TMEM54: variants seen among roughly 807,000 people sequenced by gnomAD.
TMEM54 encodes transmembrane protein 54, also known as beta-casein-like protein.
Under a neutral mutation model 21.3 loss-of-function variants are expected in TMEM54, and 21 were observed. The observed-to-expected ratio is 0.99, with a 90% CI of 0.70 to 1.42. The LOEUF (loss-of-function observed/expected upper bound fraction) is 1.42. Ranked by LOEUF, TMEM54 falls within the 40% of genes most tolerant of loss-of-function variation. The probability of loss-of-function intolerance (pLI) is 0.00; values close to 1 mark genes in which losing one functional copy is unlikely to be tolerated. For synonymous variants in TMEM54, 109 were observed against 125.0 expected (o/e 0.87, Z 0.86); for missense variants, 246 against 294.0 (o/e 0.84, Z 1.19).
chr1:32,901,260 C>T lies in TMEM54; in HGVS notation c.-22G>A, dbSNP rs762573071. The T allele has an allele frequency of 4.3e-6, 6 of 1,406,472 alleles. No individual in the cohort carries two copies. Among genetic ancestry groups the T allele is most frequent in the Non-Finnish European group, 5.6e-6 (6 of 1,067,450 alleles). The allele number at this position is 1,406,472 out of a possible 1,614,324, so 87.1% of individuals were successfully genotyped here. On this transcript the variant is annotated 5_prime_UTR_variant, in exon 1 of 6. Coordinates refer to ENST00000373463, the MANE Select transcript of TMEM54 (RefSeq NM_033504.4). The surrounding 1 kb of genome is among the most constrained non-coding windows in gnomAD (Gnocchi z 4.2). ...ACATGTCGGCTCCGCGCTGGTCCCG[C>T]CCCCGGCTTCAGCGCGGCTCCCGAG...
intron 1 of TMEM54, among the ~76,000 whole-genome samples, chr1:32,900,503 G>A (rs1206430708): frequency 6.6e-6 from 1 of 152,034 alleles, no homozygotes; most frequent in Non-Finnish European, 1.5e-5. Context: ...CCCAGATGAA[G>A]CCCAGCTGGC....
At position 32,897,351 on chromosome 1, in the gene TMEM54, C is replaced by A. The variant is rs530356906; in HGVS notation, c.210+775G>T. ...GGGATGGAACTCAGACACTGATGTGCGGGAGGATCTTCCCCCGAGGCTGTG... is the reference window on the plus strand; with the variant it reads ...GGGATGGAACTCAGACACTGATGTGAGGGAGGATCTTCCCCCGAGGCTGTG... On this transcript the variant is annotated intron_variant, in intron 2 of 5. Transcript: ENST00000373463. This position sits in a 1 kb window ranked among gnomAD's most constrained non-coding sequence, Gnocchi z 4.9. 2.6e-5 allele frequency among the ~76,000 whole-genome samples: 4 copies of A among 152,266 alleles called. No homozygotes were observed. The East Asian group carries it at 7.7e-4, about 29-fold the overall frequency.
chr1:32,901,164 C>T lies in TMEM54; in HGVS notation c.16+59G>A, dbSNP rs567817836. On this transcript the variant is annotated intron_variant, in intron 1 of 5. Coordinates refer to ENST00000373463, the MANE Select transcript of TMEM54 (RefSeq NM_033504.4). The surrounding 1 kb of genome is among the most constrained non-coding windows in gnomAD (Gnocchi z 4.2). ...GGGCTCGGGTTCCGGGCTCAGTGCT[C>T]CGCTCCTGTGGGAGGGTTGGGGTGG... 5 of 1,412,322 alleles carry T rather than the reference C, an allele frequency of 3.5e-6. No homozygotes were observed. The African/African-American group carries it at 4.4e-5, about 12-fold the overall frequency. The allele number at this position is 1,412,322 out of a possible 1,614,324, so 87.5% of individuals were successfully genotyped here.
Position 32,895,281 on chromosome 1 carries a change from G to A in TMEM54, c.594+24C>T. The stretch of plus-strand genomic sequence containing the variant: ...CAGGGGCTCCCAGGAAATTCGGGGA[G>A]TCAGGGCTGTGGAGGGAACTTACCA... On this transcript the variant is annotated intron_variant, in intron 5 of 5. Coordinates refer to ENST00000373463, the MANE Select transcript of TMEM54 (RefSeq NM_033504.4). This position sits in a 1 kb window ranked among gnomAD's most constrained non-coding sequence, Gnocchi z 5.8. The A allele has an allele frequency of 6.3e-7, 1 of 1,595,224 alleles. No homozygotes were observed. Among genetic ancestry groups the A allele is most frequent in the East Asian group, 2.2e-5 (1 of 44,472 alleles).
At chr1:32,899,968 G>A (rs1171327490) in intron 1 of TMEM54, among the ~76,000 whole-genome samples, 3 of 152,170 alleles carry the variant, frequency 2.0e-5, no homozygotes, top group South Asian at 2.1e-4. Context: ...GAGGGCAGAC[G>A]ATGGGCTGGA....
chr1:32,895,232 G>A lies in TMEM54; in HGVS notation c.594+73C>T. ...GGTGGGGGCCCATACATAGGGGTGG[G>A]GCAGAGCAGCTTGGGCACCCTGGCA... On this transcript the variant is annotated intron_variant, in intron 5 of 5. Transcript: ENST00000373463. This position sits in a 1 kb window ranked among gnomAD's most constrained non-coding sequence, Gnocchi z 5.8. 2 of 1,542,084 alleles carry A rather than the reference G, an allele frequency of 1.3e-6. No homozygotes were observed. The highest frequency in any genetic ancestry group is 1.3e-5 in the South Asian group (1 of 79,732).
In TMEM54 at chr1:32,901,003, C is replaced by T. The variant is rs1477288771; in HGVS notation, c.16+220G>A. 6.6e-6 allele frequency among the ~76,000 whole-genome samples: 1 copy of T among 152,248 alleles called. No homozygotes were observed. Among genetic ancestry groups the T allele is most frequent in the Non-Finnish European group, 1.5e-5 (1 of 68,036 alleles). On this transcript the variant is annotated intron_variant, in intron 1 of 5. Transcript: ENST00000373463. The surrounding 1 kb of genome is among the most constrained non-coding windows in gnomAD (Gnocchi z 4.2). Reference sequence around the variant, plus strand: ...GAGAGGGCGAGGGTAAGAGACGCTACAGCCACATCGAGAAGACACCCGCAG... The same window carrying T: ...GAGAGGGCGAGGGTAAGAGACGCTATAGCCACATCGAGAAGACACCCGCAG...
chr1:32,895,602 G>GTTCAGA lies in TMEM54; in HGVS notation c.406_411dup (p.Ser136_Glu137dup), dbSNP rs1376550691. The GTTCAGA allele has an allele frequency of 1.3e-5, 21 of 1,580,030 alleles. No individual in the cohort carries two copies. Among genetic ancestry groups the GTTCAGA allele is most frequent in the Non-Finnish European group, 1.4e-5 (16 of 1,162,830 alleles). On this transcript the variant is annotated inframe_insertion, in exon 4 of 6. Transcript: ENST00000373463. This position sits in a 1 kb window ranked among gnomAD's most constrained non-coding sequence, Gnocchi z 5.8. ...GGACAGTCAGGTGCGAGGGCCAGTAGTTCAGAGCTCCCAAAAGTGCAGGCA... is the reference window on the plus strand; with the variant it reads ...GGACAGTCAGGTGCGAGGGCCAGTAGTTCAGATTCAGAGCTCCCAAAAGTGCAGGCA...
At position 32,897,244 on chromosome 1, in the gene TMEM54, G is replaced by A. The variant is rs935268677; in HGVS notation, c.210+882C>T. ...GACTCCCATTCTCCCAAGCCTTGAG[G>A]CCAGCAGGCTGTCTGAGCTTTATTT... On this transcript the variant is annotated intron_variant, in intron 2 of 5. Coordinates refer to ENST00000373463, the MANE Select transcript of TMEM54 (RefSeq NM_033504.4). This position sits in a 1 kb window ranked among gnomAD's most constrained non-coding sequence, Gnocchi z 4.9. Among the ~76,000 whole-genome samples the A allele has an allele frequency of 3.9e-5, 6 of 152,166 alleles. No individual in the cohort carries two copies. Among genetic ancestry groups the A allele is most frequent in the African/African-American group, 1.2e-4 (5 of 41,430 alleles).
chr1:32,901,192 CG>C lies in TMEM54; in HGVS notation c.16+30del. 3 of 1,481,236 alleles carry C rather than the reference CG, an allele frequency of 2.0e-6. No homozygotes were observed. The highest frequency in any genetic ancestry group is 1.9e-5 in the Admixed American group (1 of 51,932). The allele number at this position is 1,481,236 out of a possible 1,614,324, so 91.8% of individuals were successfully genotyped here. A position where few individuals can be genotyped will look rare whatever the true frequency, so the allele number is the denominator to read the frequency against. ...CTCCTGTGGGAGGGTTGGGGTGGTT[CG>C]GGGCCTCCCGCGCGCCCCCAGTCGC... is the stretch of plus-strand genomic sequence containing the variant. On this transcript the variant is annotated intron_variant, in intron 1 of 5. Transcript: ENST00000373463. This position sits in a 1 kb window ranked among gnomAD's most constrained non-coding sequence, Gnocchi z 4.2.
At chr1:32,900,296 C>T (rs569241963) in intron 1 of TMEM54, among the ~76,000 whole-genome samples, 1 of 152,320 alleles carries the variant, frequency 6.6e-6, no homozygotes, top group East Asian at 1.9e-4. Context: ...CTGGAGTGCA[C>T]TGGCCTGATC....
At position 32,897,979 on chromosome 1, in the gene TMEM54, G is replaced by A; in HGVS notation, c.210+147C>T. On this transcript the variant is annotated intron_variant, in intron 2 of 5. Coordinates refer to ENST00000373463, the MANE Select transcript of TMEM54 (RefSeq NM_033504.4). This position sits in a 1 kb window ranked among gnomAD's most constrained non-coding sequence, Gnocchi z 4.9. ...CATTTGATAGATGAAGAAGTTGAGT[G>A]ACTTGGGCAGTTGGTAAGTGGCAGA... is the stretch of plus-strand genomic sequence containing the variant. 2.9e-6 allele frequency: 2 copies of A among 680,228 alleles called. No individual in the cohort carries two copies. The highest frequency in any genetic ancestry group is 2.1e-5 in the South Asian group (1 of 46,798). The allele number at this position is 680,228 out of a possible 1,614,324, so 42.1% of individuals were successfully genotyped here.
rs1455196340 is a variant in TMEM54, at chr1:32,896,691, C to T, written c.211-722G>A. Among the ~76,000 whole-genome samples the T allele has an allele frequency of 6.6e-6, 1 of 152,280 alleles. No homozygotes were observed. The highest frequency in any genetic ancestry group is 1.5e-5 in the Non-Finnish European group (1 of 68,044). On this transcript the variant is annotated intron_variant, in intron 2 of 5. Transcript: ENST00000373463. The surrounding 1 kb of genome is among the most constrained non-coding windows in gnomAD (Gnocchi z 4.1). ...AGCTGCCCTCTGGATCTTTGGGGTC[C>T]ACCCAGCCAGCCTTCCTCCTGATGT...
At chr1:32,898,584 A>G in intron 1 of TMEM54, 2 of 431,436 alleles carry the variant, frequency 4.6e-6, no homozygotes, top group South Asian at 5.9e-5. Context: ...GTTCAAGGTC[A>G]TGAGTGGGGG....
intron 1 of TMEM54, among the ~76,000 whole-genome samples, chr1:32,899,849 G>A (rs998765861): frequency 5.3e-5 from 8 of 152,186 alleles, no homozygotes; most frequent in South Asian, 2.1e-4. Flanking sequence ...CCTCCCCTCT[G>A]GGCCCCAAGT....
At chr1:32,900,941 C>T (rs965876084) in intron 1 of TMEM54, among the ~76,000 whole-genome samples, 1 of 152,222 alleles carries the variant, frequency 6.6e-6, no homozygotes, top group Non-Finnish European at 1.5e-5. Flanking sequence ...ACCCGGGGGT[C>T]CCCGAGGGCA....
At chr1:32,899,970 T>C (rs1641689335) in intron 1 of TMEM54, among the ~76,000 whole-genome samples, 1 of 152,152 alleles carries the variant, frequency 6.6e-6, no homozygotes, top group African/African-American at 2.4e-5. Flanking sequence ...GGGCAGACGA[T>C]GGGCTGGACA....
chr1:32,899,590 C>T (rs1490095222), intron 1 of TMEM54, among the ~76,000 whole-genome samples: 2 of 152,042 alleles, frequency 1.3e-5, no homozygotes, highest in Non-Finnish European at 1.5e-5. Context: ...GCCTCTAGTC[C>T]CAGTTATTCA....
In TMEM54 at chr1:32,898,745, G is replaced by A. The variant is rs114982485; in HGVS notation, c.17-426C>T. Among the ~76,000 whole-genome samples, 706 of 152,266 alleles carry A rather than the reference G, an allele frequency of 4.6e-3. 9 individuals carry two copies. The highest frequency in any genetic ancestry group is 0.016 in the African/African-American group (648 of 41,542). ...GGTGAGCTCCACAGTCACTCTCCAG[G>A]CCACAAGGAGCCAGAGTTCATTGGG... On this transcript the variant is annotated intron_variant, in intron 1 of 5. Coordinates refer to ENST00000373463, the MANE Select transcript of TMEM54 (RefSeq NM_033504.4).
Sources: gnomAD v4.1 joint callset for allele counts (sites outside exome capture counted in the v4.1 genomes callset) on GRCh38, gnomAD v4.1.1 for gene constraint, Gnocchi (gnomAD v3.1) non-coding constraint, MANE v1.5 for transcripts, NCBI Gene and HGNC (gene_info 2026-07-23, HGNC 2026-07-21) for gene names.